VWA8: variants seen among roughly 807,000 people sequenced by gnomAD.
VWA8 encodes von Willebrand factor A domain containing 8, also known as von Willebrand factor A domain-containing protein 8.
VWA8 carries 221 observed loss-of-function variants against 241.5 expected under a neutral mutation model. That is an observed-to-expected ratio of 0.91 (90% CI 0.82 to 1.02). VWA8 has a LOEUF of 1.02. VWA8 is among the 50% of genes least tolerant of loss of function. The pLI is 0.00. For synonymous variants in VWA8, 852 were observed against 827.1 expected, an observed-to-expected ratio of 1.03 and a Z score of -0.52; for missense variants, 2,322 against 2,328.7, an observed-to-expected ratio of 1.00 and a Z score of 0.06.
chr13:41,850,785 AG>A (rs1190394990), intron 12 of VWA8, among the ~76,000 whole-genome samples: 1 of 152,230 alleles, frequency 6.6e-6, no homozygotes, highest in East Asian at 1.9e-4. Context: ...CAAGCCCATG[AG>A]GATCACTAAC....
intron 26 of VWA8, among the ~76,000 whole-genome samples, chr13:41,711,671 GA>G: frequency 6.6e-6 from 1 of 152,062 alleles, no homozygotes; most frequent in African/African-American, 2.4e-5. Context: ...TCAGGAGATC[GA>G]GACCATCCTA....
intron 14 of VWA8, among the ~76,000 whole-genome samples, chr13:41,828,342 C>T (rs1034451482): frequency 2.6e-5 from 4 of 152,116 alleles, no homozygotes; most frequent in Admixed American, 6.5e-5. Flanking sequence ...AGTGGTGATA[C>T]AGCTTCAATT....
chr13:41,761,008 A>C (rs1165163935), intron 21 of VWA8, 120 bp downstream of exon 21: 11 of 990,412 alleles, frequency 1.1e-5, no homozygotes, highest in Non-Finnish European at 1.7e-5. Context: ...AAGAGCAAGA[A>C]GAACAGAAAT....
chr13:41,961,066 C>G lies in VWA8; in HGVS notation c.-51G>C. On this transcript the variant is annotated 5_prime_UTR_variant, in exon 1 of 45. Transcript: ENST00000379310. ...GCGAGGGGGCTCGGGGATCGAGCGGCGTCCCGTGCAGGCACCGTGAGGCAG... is the reference window on the plus strand; with the variant it reads ...GCGAGGGGGCTCGGGGATCGAGCGGGGTCCCGTGCAGGCACCGTGAGGCAG... 1 of 1,350,054 alleles carries G rather than the reference C, an allele frequency of 7.4e-7. No individual in the cohort carries two copies. The highest frequency in any genetic ancestry group is 3.1e-5 in the East Asian group (1 of 32,154). 83.6% of individuals were successfully genotyped at this position (1,350,054 alleles called of 1,614,324 possible).
At chr13:41,875,401 C>G (rs369617316) in intron 9 of VWA8, among the ~76,000 whole-genome samples, 1 of 152,054 alleles carries the variant, frequency 6.6e-6, no homozygotes, top group African/African-American at 2.4e-5. Context: ...GTTTGTCTCC[C>G]CATTCCAGAA....
chr13:41,651,215 G>A (rs2044867588), intron 37 of VWA8, among the ~76,000 whole-genome samples: 1 of 151,772 alleles, frequency 6.6e-6, no homozygotes, highest in Non-Finnish European at 1.5e-5. Flanking sequence ...GACTATTGAG[G>A]CTCTCTTTTG....
intron 20 of VWA8, among the ~76,000 whole-genome samples, chr13:41,776,316 C>T (rs970366018): frequency 1.1e-4 from 16 of 152,118 alleles, no homozygotes; most frequent in East Asian, 3.9e-4. Context: ...AAAAAATTTA[C>T]AAAGTACTTT....
At chr13:41,848,384 A>G (rs1476750925) in intron 12 of VWA8, among the ~76,000 whole-genome samples, 3 of 152,206 alleles carry the variant, frequency 2.0e-5, no homozygotes, top group African/African-American at 7.2e-5. Context: ...TTGAACTCTC[A>G]GGGTAATATG....
At chr13:41,677,570 T>C (rs2045068890) in intron 35 of VWA8, among the ~76,000 whole-genome samples, 2 of 152,168 alleles carry the variant, frequency 1.3e-5, no homozygotes, top group Non-Finnish European at 2.9e-5. Context: ...CTAAAATCTA[T>C]GCTCTGGCCA....
At chr13:41,648,184 C>T (rs2044844564) in intron 37 of VWA8, among the ~76,000 whole-genome samples, 1 of 152,110 alleles carries the variant, frequency 6.6e-6, no homozygotes, top group Non-Finnish European at 1.5e-5. Context: ...CTCACACTTC[C>T]TGAATCTGAT....
chr13:41,919,025 G>C (rs1315774931), intron 2 of VWA8, among the ~76,000 whole-genome samples: 1 of 152,042 alleles, frequency 6.6e-6, no homozygotes, highest in African/African-American at 2.4e-5. Context: ...TGGCTGACTT[G>C]AAGTTCCTAG....
At chr13:41,851,606 A>G (rs1257654756) in intron 12 of VWA8, among the ~76,000 whole-genome samples, 2 of 151,644 alleles carry the variant, frequency 1.3e-5, no homozygotes, top group African/African-American at 4.9e-5. Flanking sequence ...CTTCTTCCTC[A>G]TTTTCTCTTG....
chr13:41,603,737 T>C (rs1479743832), intron 40 of VWA8, among the ~76,000 whole-genome samples: 1 of 152,152 alleles, frequency 6.6e-6, no homozygotes, highest in Non-Finnish European at 1.5e-5. Flanking sequence ...TACTCTGTCC[T>C]TCTCTGAACT....
rs1281451004 is a variant in VWA8 at position 41,590,656 on chromosome 13, C to A, written c.5096G>T (p.Gly1699Val). Residue 1699 changes from glycine to valine, a missense_variant, in exon 41 of 45, where the codon GGT (glycine) becomes GTT (valine). Physicochemically the swap from Gly to Val is moderately radical, Grantham distance 109. Transcript: ENST00000379310. ...TGEKAIYKRR[G>V]ELEPQLGSPQ... The stretch of plus-strand genomic sequence containing the variant: ...ATGACTTACTTGTGGCTCCAGCTCA[C>A]CCCGACGTTTGTAGATGGCTTTTTC... The A allele has an allele frequency of 1.2e-6, 2 of 1,613,794 alleles. No individual in the cohort carries two copies. The highest frequency in any genetic ancestry group is 1.6e-4 in the Middle Eastern group (1 of 6,062).
intron 2 of VWA8, among the ~76,000 whole-genome samples, chr13:41,945,105 T>C (rs963337137): frequency 1.3e-5 from 2 of 152,142 alleles, no homozygotes; most frequent in African/African-American, 4.8e-5. Context: ...AACTGTAAGC[T>C]ACCTATGGAG....
rs897657857 is a variant in VWA8 at position 41,617,121 on chromosome 13, T to C, written c.4612-2037A>G. Among the ~76,000 whole-genome samples, 6 of 152,124 alleles carry C rather than the reference T, an allele frequency of 3.9e-5. 1 individual carries two copies. The highest frequency in any genetic ancestry group is 8.8e-5 in the Non-Finnish European group (6 of 68,020). ...GGAACTTACATATGGAGATACTATT[T>C]TTTTTTTTTCTTTTTGAGATGAAGT... On this transcript the variant is annotated intron_variant, in intron 37 of 44. Coordinates refer to ENST00000379310, the MANE Select transcript of VWA8 (RefSeq NM_015058.2).
intron 12 of VWA8, among the ~76,000 whole-genome samples, chr13:41,839,986 A>G (rs1319494913): frequency 6.6e-6 from 1 of 152,006 alleles, no homozygotes; most frequent in Admixed American, 6.6e-5. Context: ...CATGATATTG[A>G]TTTTTCCTAT....
intron 4 of VWA8, among the ~76,000 whole-genome samples, chr13:41,896,445 G>A (rs1383609473): frequency 1.3e-5 from 2 of 151,804 alleles, no homozygotes; most frequent in Non-Finnish European, 2.9e-5. Flanking sequence ...TAACTCAAAG[G>A]CAGATACCAT....
intron 34 of VWA8, among the ~76,000 whole-genome samples, chr13:41,687,478 T>C (rs577479639): frequency 6.6e-6 from 1 of 152,178 alleles, no homozygotes; most frequent in African/African-American, 2.4e-5. Context: ...AATAGTTTCA[T>C]ACATAATCCA....
Sources: allele counts gnomAD v4.1 joint callset (sites outside exome capture counted in the v4.1 genomes callset), GRCh38; gene constraint gnomAD v4.1.1; transcripts MANE v1.5; gene names NCBI Gene and HGNC (gene_info 2026-07-23, HGNC 2026-07-21).